KCNMB2: variants seen among roughly 807,000 people sequenced by gnomAD.
KCNMB2 encodes the protein calcium-activated potassium channel subunit beta-2.
A neutral mutation model predicts 24.5 loss-of-function variants in KCNMB2; 9 were observed. That is an observed-to-expected ratio of 0.37 (90% CI 0.22 to 0.64). The LOEUF (loss-of-function observed/expected upper bound fraction) is 0.64. Among genes scored for constraint, KCNMB2 ranks in the 30% least tolerant of loss-of-function variants. The probability of loss-of-function intolerance (pLI) is 0.63; values close to 1 mark genes in which losing one functional copy is unlikely to be tolerated. For missense variants in KCNMB2, 226 were observed against 284.3 expected (o/e 0.79, Z 1.47); for synonymous variants, 109 against 104.4 (o/e 1.04, Z -0.27).
At chr3:178,618,989 A>C (rs1718813013) in intron 1 of KCNMB2, among the ~76,000 whole-genome samples, 1 of 152,188 alleles carries the variant, frequency 6.6e-6, no homozygotes, top group South Asian at 2.1e-4. Context: ...GATGGTTTAA[A>C]ACCCAGCTCT....
At chr3:178,703,898 TA>T in intron 1 of KCNMB2, among the ~76,000 whole-genome samples, 1 of 152,308 alleles carries the variant, frequency 6.6e-6, no homozygotes, top group Admixed American at 6.5e-5. Context: ...CAAGGTGGTT[TA>T]AATGATAGCA....
intron 1 of KCNMB2, among the ~76,000 whole-genome samples, chr3:178,579,549 AAAAACCCTTC>A (rs1717121135): frequency 6.6e-6 from 1 of 152,198 alleles, no homozygotes; most frequent in Non-Finnish European, 1.5e-5. Context: ...TAGAGACATG[AAAAACCCTTC>A]AAAAAATCAA....
intron 1 of KCNMB2, among the ~76,000 whole-genome samples, chr3:178,606,114 A>G (rs1428779737): frequency 1.3e-5 from 2 of 152,338 alleles, no homozygotes; most frequent in East Asian, 3.9e-4. Context: ...GGAGGCTGTC[A>G]GACTTCTTAC....
At chr3:178,748,465 C>T (rs1410613759) in intron 1 of KCNMB2, 1 of 152,082 alleles carries the variant, frequency 6.6e-6, no homozygotes, top group African/African-American at 2.4e-5. Flanking sequence ...AGAAAAGACT[C>T]CCAGAATCTC....
At chr3:178,547,970 T>C (rs1163470624) in intron 1 of KCNMB2, among the ~76,000 whole-genome samples, 1 of 152,268 alleles carries the variant, frequency 6.6e-6, no homozygotes, top group African/African-American at 2.4e-5. Context: ...CCAATAATTG[T>C]CTTTGAATCC....
intron 4 of KCNMB2, among the ~76,000 whole-genome samples, chr3:178,838,198 G>T (rs951641597): frequency 2.0e-5 from 3 of 152,056 alleles, no homozygotes; most frequent in African/African-American, 7.2e-5. Flanking sequence ...CAAAAATAAA[G>T]GTATTCCCAC....
chr3:178,539,518 C>T (rs1018646446), intron 1 of KCNMB2, among the ~76,000 whole-genome samples: 1 of 152,082 alleles, frequency 6.6e-6, no homozygotes, highest in African/African-American at 2.4e-5. Context: ...TGTCTGTGAT[C>T]CTGCTGCATA....
At chr3:178,768,447 T>A (rs1712212962) in intron 1 of KCNMB2, among the ~76,000 whole-genome samples, 1 of 152,152 alleles carries the variant, frequency 6.6e-6, no homozygotes, top group Non-Finnish European at 1.5e-5. Flanking sequence ...TTATACATGA[T>A]AAATAAAAAT....
intron 4 of KCNMB2, among the ~76,000 whole-genome samples, chr3:178,834,758 T>C (rs1341222920): frequency 6.6e-6 from 1 of 152,128 alleles, no homozygotes; most frequent in Non-Finnish European, 1.5e-5. Flanking sequence ...TGAAACTGCC[T>C]GTAGACCATA....
intron 1 of KCNMB2, among the ~76,000 whole-genome samples, chr3:178,690,984 C>A (rs1721650333): frequency 6.6e-6 from 1 of 151,978 alleles, no homozygotes; most frequent in South Asian, 2.1e-4. Flanking sequence ...GCCTCCCAGG[C>A]TGGAGTGCAG....
intron 1 of KCNMB2, among the ~76,000 whole-genome samples, chr3:178,621,390 A>G (rs1718915384): frequency 1.3e-5 from 2 of 151,432 alleles, no homozygotes; most frequent in Admixed American, 6.6e-5. Flanking sequence ...TTTGTTCATT[A>G]TTTCTTTGGG....
chr3:178,596,743 T>C (rs1211773967), intron 1 of KCNMB2, among the ~76,000 whole-genome samples: 4 of 151,588 alleles, frequency 2.6e-5, no homozygotes, highest in Non-Finnish European at 5.9e-5. Context: ...ATTAGTGAAG[T>C]TCAGGAATGA....
At chr3:178,700,896 T>C (rs1173820434) in intron 1 of KCNMB2, among the ~76,000 whole-genome samples, 1 of 152,224 alleles carries the variant, frequency 6.6e-6, no homozygotes, top group Non-Finnish European at 1.5e-5. Context: ...TTTTCTCCCA[T>C]TCTGTAGGTT....
intron 1 of KCNMB2, among the ~76,000 whole-genome samples, chr3:178,754,861 C>T (rs1179753334): frequency 6.6e-6 from 1 of 152,186 alleles, no homozygotes; most frequent in Non-Finnish European, 1.5e-5. Context: ...GCTTGTTTAG[C>T]ACGTTTGGCC....
At chr3:178,638,515 A>C (rs1719609056) in intron 1 of KCNMB2, among the ~76,000 whole-genome samples, 2 of 152,202 alleles carry the variant, frequency 1.3e-5, no homozygotes, top group African/African-American at 4.8e-5. Flanking sequence ...TGCTGGAAGC[A>C]ATATTTTCTG....
At chr3:178,558,126 G>T (rs984955441) in intron 1 of KCNMB2, among the ~76,000 whole-genome samples, 10 of 152,192 alleles carry the variant, frequency 6.6e-5, no homozygotes, top group Non-Finnish European at 1.5e-4. Flanking sequence ...AGATTGAATT[G>T]CTGCATCTCT....
chr3:178,617,735 A>C (rs1817373), intron 1 of KCNMB2, among the ~76,000 whole-genome samples: 61,831 of 150,080 alleles, frequency 0.41, 14,600 homozygotes, highest in African/African-American at 0.66. Context: ...TAAAAACACA[A>C]AAAAAATTAG....
intron 2 of KCNMB2, among the ~76,000 whole-genome samples, chr3:178,811,755 C>T (rs149809393): frequency 7.2e-5 from 11 of 152,234 alleles, no homozygotes; most frequent in Admixed American, 2.6e-4. Flanking sequence ...CAAAAGTACA[C>T]GCAGCTTTAA....
intron 1 of KCNMB2, among the ~76,000 whole-genome samples, chr3:178,781,400 T>G (rs1712830591): frequency 6.6e-6 from 1 of 151,916 alleles, no homozygotes; most frequent in African/African-American, 2.4e-5. Context: ...GAGACCAGCC[T>G]GGCCAACATG....
Sources: allele counts gnomAD v4.1 joint callset (sites outside exome capture counted in the v4.1 genomes callset), GRCh38; gene constraint gnomAD v4.1.1; transcripts MANE v1.5; gene names NCBI Gene and HGNC (gene_info 2026-07-23, HGNC 2026-07-21).